RGS6: variants seen among roughly 807,000 people sequenced by gnomAD.
RGS6 encodes regulator of G-protein signaling 6.
A neutral mutation model predicts 78.5 loss-of-function variants in RGS6; 30 were observed. The observed-to-expected ratio is 0.38, with a 90% CI of 0.29 to 0.52. RGS6 has a LOEUF of 0.52. RGS6 is among the 20% of genes least tolerant of loss of function. The pLI, the probability that RGS6 is intolerant of heterozygous loss-of-function variation, is 0.85. For synonymous variants in RGS6, 206 were observed against 206.0 expected (o/e 1.00, Z 0.00); for missense variants, 495 against 609.7 (o/e 0.81, Z 1.98).
At chr14:72,173,802 T>A (rs992436085) in intron 2 of RGS6, among the ~76,000 whole-genome samples, 5 of 152,202 alleles carry the variant, frequency 3.3e-5, no homozygotes, top group African/African-American at 1.2e-4. Context: ...ATGAAAGCTT[T>A]ATTTCATTTT....
chr14:72,398,317 T>A (rs368161479), intron 3 of RGS6, among the ~76,000 whole-genome samples: 1 of 151,934 alleles, frequency 6.6e-6, no homozygotes, highest in Admixed American at 6.6e-5. Context: ...CATTTCTTCT[T>A]GATTTTCTAG....
intron 2 of RGS6, among the ~76,000 whole-genome samples, chr14:72,005,959 ATCTATTAAATAGTAATGTGTCC>A (rs1365084229): frequency 6.6e-6 from 1 of 151,952 alleles, no homozygotes; most frequent in Admixed American, 6.6e-5. Flanking sequence ...CTTTTGACTC[ATCTATTAAATAGTAATGTGTCC>A]TCCAAAAATA....
At chr14:72,102,295 CT>C (rs1320900202) in intron 2 of RGS6, among the ~76,000 whole-genome samples, 5 of 152,156 alleles carry the variant, frequency 3.3e-5, no homozygotes, top group Admixed American at 1.3e-4. Flanking sequence ...CTTTTATCTT[CT>C]GCTTTACCAA....
In RGS6 at chr14:72,009,356, T is replaced by TA. The variant is rs201651286; in HGVS notation, c.84+44490dup. Among the ~76,000 whole-genome samples the TA allele has an allele frequency of 8.1e-3, 1,217 of 150,562 alleles. 12 individuals are homozygous for TA. Among genetic ancestry groups the TA allele is most frequent in the African/African-American group, 0.027 (1,118 of 41,006 alleles). On this transcript the variant is annotated intron_variant, in intron 2 of 17. Transcript: ENST00000553525. ...GAGTGAGACCCCCCACCCCAAACTC[T>TA]AAAAAAAAACAGACAAAAACATTGA... is the stretch of plus-strand genomic sequence containing the variant.
intron 2 of RGS6, among the ~76,000 whole-genome samples, chr14:72,312,745 G>A (rs945512488): frequency 2.0e-5 from 3 of 152,162 alleles, no homozygotes; most frequent in Non-Finnish European, 2.9e-5. Flanking sequence ...CAGTGTCAAA[G>A]GGCTTAGAAG....
intron 2 of RGS6, among the ~76,000 whole-genome samples, chr14:72,170,586 C>G (rs1201479880): frequency 2.6e-5 from 4 of 152,166 alleles, no homozygotes; most frequent in Non-Finnish European, 4.4e-5. Context: ...ACTCCATTAT[C>G]TTATTGTCAT....
chr14:72,595,784 A>G, the RGS6 span, among the ~76,000 whole-genome samples: 1 of 152,186 alleles, frequency 6.6e-6, no homozygotes, highest in Non-Finnish European at 1.5e-5. Context: ...AGAAGTGATA[A>G]ATTATACTTA....
rs189554379 is a variant in RGS6, at chr14:72,470,898, C to G, written c.536+815C>G. 4.6e-5 allele frequency among the ~76,000 whole-genome samples: 6 copies of G among 129,714 alleles called. No individual in the cohort carries two copies. The Admixed American group carries it at 4.7e-4, about 10-fold the overall frequency. The allele number at this position is 129,714 out of a possible 152,430, so 85.1% of individuals were successfully genotyped here. A position where few individuals can be genotyped will look rare whatever the true frequency, so the allele number is the denominator to read the frequency against. On this transcript the variant is annotated intron_variant, in intron 8 of 17. Coordinates refer to ENST00000553525, the MANE Select transcript of RGS6 (RefSeq NM_001204424.2). ...CCCTCTCAAAAAAAAAAAAAAAAAA[C>G]AAGATTATAGGGCGTGACACTGGAT... is the stretch of plus-strand genomic sequence containing the variant.
intron 2 of RGS6, among the ~76,000 whole-genome samples, chr14:72,219,589 A>G (rs550917514): frequency 2.6e-5 from 4 of 152,030 alleles, no homozygotes; most frequent in Non-Finnish European, 4.4e-5. Flanking sequence ...TTTCTCATCA[A>G]TTCTTAGAAA....
At chr14:72,096,491 ACT>A (rs916177387) in intron 2 of RGS6, among the ~76,000 whole-genome samples, 1 of 151,342 alleles carries the variant, frequency 6.6e-6, no homozygotes, top group Non-Finnish European at 1.5e-5. Flanking sequence ...GGTGGAAAAG[ACT>A]CTTCTTTGAT....
At chr14:72,476,388 T>C (rs2096244261) in intron 10 of RGS6, among the ~76,000 whole-genome samples, 1 of 152,186 alleles carries the variant, frequency 6.6e-6, no homozygotes, top group Non-Finnish European at 1.5e-5. Flanking sequence ...CCACAAAGAT[T>C]CTGATGCAGT....
At chr14:72,066,675 G>A (rs1567135734) in intron 2 of RGS6, among the ~76,000 whole-genome samples, 1 of 151,828 alleles carries the variant, frequency 6.6e-6, no homozygotes. Context: ...CCCCAAGGGA[G>A]TAGTGACTTG....
At chr14:72,044,822 G>C (rs145962779) in intron 2 of RGS6, among the ~76,000 whole-genome samples, 1 of 152,046 alleles carries the variant, frequency 6.6e-6, no homozygotes, top group South Asian at 2.1e-4. Context: ...GCAGTGAGCC[G>C]AGATGATGCC....
At chr14:71,914,717 T>TA in the RGS6 span, among the ~76,000 whole-genome samples, 2 of 151,892 alleles carry the variant, frequency 1.3e-5, no homozygotes, top group African/African-American at 4.8e-5. Context: ...TAGTGTTTTT[T>TA]AAAAAAACAC....
At chr14:71,979,255 C>G (rs1159412649) in intron 2 of RGS6, among the ~76,000 whole-genome samples, 2 of 149,162 alleles carry the variant, frequency 1.3e-5, no homozygotes, top group African/African-American at 5.0e-5. Flanking sequence ...TTTTGTGTCT[C>G]TATTTCCTTC....
At chr14:72,283,060 G>A (rs1296542598) in intron 2 of RGS6, among the ~76,000 whole-genome samples, 1 of 152,132 alleles carries the variant, frequency 6.6e-6, no homozygotes, top group Non-Finnish European at 1.5e-5. Context: ...ATTTCACTTA[G>A]CATAGTGTCC....
the RGS6 span, among the ~76,000 whole-genome samples, chr14:72,588,052 G>A: frequency 1.3e-5 from 2 of 152,124 alleles, no homozygotes; most frequent in African/African-American, 2.4e-5. Flanking sequence ...TGGGGAGCTC[G>A]GGTACAATTC....
At chr14:72,602,368 C>T in the RGS6 span, among the ~76,000 whole-genome samples, 1 of 152,212 alleles carries the variant, frequency 6.6e-6, no homozygotes, top group African/African-American at 2.4e-5. Flanking sequence ...AGGTACTATA[C>T]ACATGTGACT....
intron 2 of RGS6, among the ~76,000 whole-genome samples, chr14:72,225,066 T>C (rs1427689004): frequency 6.6e-6 from 1 of 152,220 alleles, no homozygotes; most frequent in African/African-American, 2.4e-5. Context: ...CATCAAGGCC[T>C]GATGCCATAT....
Sources: gnomAD v4.1 joint callset for allele counts (sites outside exome capture counted in the v4.1 genomes callset) on GRCh38, gnomAD v4.1.1 for gene constraint, MANE v1.5 for transcripts, NCBI Gene and HGNC (gene_info 2026-07-23, HGNC 2026-07-21) for gene names.